Variants in FOXP1 observed in about 807,000 individuals in gnomAD.
The protein encoded by FOXP1 is forkhead box P1.
In FOXP1, 15 loss-of-function variants were observed where a neutral mutation model predicts 98.2. The ratio of observed to expected loss-of-function variants is 0.15; its 90% confidence interval spans 0.10 to 0.24. The LOEUF is 0.24. Among genes scored for constraint, FOXP1 ranks in the 10% least tolerant of loss-of-function variants. FOXP1 has a pLI of 1.00. For synonymous variants in FOXP1, 371 were observed against 314.5 expected (o/e 1.18, Z -1.90); for missense variants, 633 against 848.5 (o/e 0.75, Z 3.15).
At chr3:71,269,091 T>G (rs2070056449) in intron 5 of FOXP1, among the ~76,000 whole-genome samples, 1 of 139,948 alleles carries the variant, frequency 7.1e-6, no homozygotes, top group Admixed American at 7.2e-5. Flanking sequence ...AGAGTGGGGT[T>G]TTTTTTGTTT....
At chr3:70,969,146 C>CTCATGAATATAAA (rs1476382911) in intron 19 of FOXP1, 1 of 147,514 alleles carries the variant, frequency 6.8e-6, no homozygotes, top group African/African-American at 2.5e-5. Flanking sequence ...GCCTTTCCGG[C>CTCATGAATATAAA]TCATGAATAT....
chr3:71,196,026 G>A (rs189969696), intron 6 of FOXP1, among the ~76,000 whole-genome samples: 1 of 152,242 alleles, frequency 6.6e-6, no homozygotes, highest in East Asian at 1.9e-4. Flanking sequence ...TTGAACAGCT[G>A]TCAATGTTAT....
intron 3 of FOXP1, among the ~76,000 whole-genome samples, chr3:71,484,469 T>C (rs2090511317): frequency 6.6e-6 from 1 of 152,216 alleles, no homozygotes; most frequent in Non-Finnish European, 1.5e-5. Flanking sequence ...TCAATATTCT[T>C]GGTTTTATCA....
At chr3:71,200,625 T>C (rs961278496) in intron 5 of FOXP1, among the ~76,000 whole-genome samples, 1 of 152,288 alleles carries the variant, frequency 6.6e-6, no homozygotes, top group Non-Finnish European at 1.5e-5. Flanking sequence ...AGCTGAGAAA[T>C]GCCTGAATAA....
At chr3:71,117,276 G>A (rs879468870) in intron 6 of FOXP1, among the ~76,000 whole-genome samples, 19 of 151,966 alleles carry the variant, frequency 1.3e-4, no homozygotes, top group Admixed American at 9.2e-4. Flanking sequence ...TTGTAGAGAC[G>A]GGGTCTCATT....
At chr3:71,490,517 G>A (rs2090989754) in intron 3 of FOXP1, among the ~76,000 whole-genome samples, 2 of 151,664 alleles carry the variant, frequency 1.3e-5, no homozygotes, top group African/African-American at 2.4e-5. Context: ...AAAATGGGAG[G>A]AGAATAGAAA....
At chr3:71,498,308 A>C (rs963023395) in intron 2 of FOXP1, among the ~76,000 whole-genome samples, 8 of 152,222 alleles carry the variant, frequency 5.3e-5, no homozygotes, top group African/African-American at 1.9e-4. Context: ...ATCCCTGCTC[A>C]GTACAAAAGT....
chr3:71,177,363 T>A (rs945555930), intron 6 of FOXP1, among the ~76,000 whole-genome samples: 1 of 152,230 alleles, frequency 6.6e-6, no homozygotes, highest in Non-Finnish European at 1.5e-5. Context: ...ATGGGAATAC[T>A]TAGTATTTGC....
chr3:71,027,676 T>C (rs577954663), intron 11 of FOXP1, among the ~76,000 whole-genome samples: 1 of 152,332 alleles, frequency 6.6e-6, no homozygotes, highest in East Asian at 1.9e-4. Flanking sequence ...TGATATTACA[T>C]ATATGAGTCA....
chr3:71,138,425 C>T (rs996613613), intron 6 of FOXP1, among the ~76,000 whole-genome samples: 3 of 152,056 alleles, frequency 2.0e-5, no homozygotes, highest in Non-Finnish European at 2.9e-5. Flanking sequence ...TACAATGATA[C>T]ATGAATTAGT....
intron 7 of FOXP1, among the ~76,000 whole-genome samples, chr3:71,060,029 G>A (rs1331982456): frequency 6.6e-6 from 1 of 152,070 alleles, no homozygotes. Context: ...GTCTAAAGAA[G>A]ATTTTTCTAA....
intron 1 of FOXP1, chr3:71,582,259 G>A (rs1388145293): frequency 1.0e-6 from 1 of 985,072 alleles, no homozygotes; most frequent in African/African-American, 1.7e-5. Flanking sequence ...AGGAATCTAA[G>A]TTTCCGAGCG....
intron 5 of FOXP1, chr3:71,210,733 C>T (rs1243651586): frequency 6.6e-6 from 1 of 152,204 alleles, no homozygotes; most frequent in Non-Finnish European, 1.5e-5. Flanking sequence ...AGTGAAGGGG[C>T]TTCTATAACC....
At chr3:71,293,388 G>A (rs2072961742) in intron 5 of FOXP1, among the ~76,000 whole-genome samples, 1 of 151,906 alleles carries the variant, frequency 6.6e-6, no homozygotes, top group South Asian at 2.1e-4. Flanking sequence ...GATCCCTCAA[G>A]CCCAGGAGTT....
intron 2 of FOXP1, chr3:71,571,872 A>C (rs1363336680): frequency 3.3e-5 from 5 of 152,236 alleles, no homozygotes; most frequent in African/African-American, 4.8e-5. Flanking sequence ...ACAGAGCATC[A>C]ACTCTGGCTT....
At chr3:71,267,130 T>A (rs200764586) in intron 5 of FOXP1, among the ~76,000 whole-genome samples, 20,842 of 148,756 alleles carry the variant, frequency 0.14, 1,920 homozygotes, top group East Asian at 0.44. Flanking sequence ...AGAGAGTGTG[T>A]GTGTGTGTGT....
chr3:71,023,662 T>C (rs2045738618), intron 11 of FOXP1, among the ~76,000 whole-genome samples: 1 of 152,196 alleles, frequency 6.6e-6, no homozygotes, highest in Admixed American at 6.6e-5. Context: ...TTACTTTCAA[T>C]GAGATTGTAC....
chr3:71,033,204 G>A (rs2047104637), intron 11 of FOXP1, among the ~76,000 whole-genome samples: 1 of 152,142 alleles, frequency 6.6e-6, no homozygotes, highest in Non-Finnish European at 1.5e-5. Context: ...AAGGAATTTG[G>A]CAGAGAACCT....
At chr3:71,156,099 G>A (rs1394497746) in intron 6 of FOXP1, among the ~76,000 whole-genome samples, 1 of 152,156 alleles carries the variant, frequency 6.6e-6, no homozygotes, top group Non-Finnish European at 1.5e-5. Flanking sequence ...ACACTTAATT[G>A]AGAGAGAAAT....
Sources: gnomAD v4.1 joint callset for allele counts (sites outside exome capture counted in the v4.1 genomes callset) on GRCh38, gnomAD v4.1.1 for gene constraint, MANE v1.5 for transcripts, NCBI Gene and HGNC (gene_info 2026-07-23, HGNC 2026-07-21) for gene names.